EFCAB11: variants seen among roughly 807,000 people sequenced by gnomAD.
The protein encoded by EFCAB11 is EF-hand calcium-binding domain-containing protein 11.
In EFCAB11, 14 loss-of-function variants were observed where a neutral mutation model predicts 23.0. That is an observed-to-expected ratio of 0.61 (90% CI 0.40 to 0.95). EFCAB11 has a LOEUF of 0.95. EFCAB11 is among the 40% of genes least tolerant of loss of function. The pLI is 0.00. For synonymous variants in EFCAB11, 65 were observed against 66.6 expected (o/e 0.98, Z 0.11); for missense variants, 198 against 195.8 (o/e 1.01, Z -0.07).
intron 5 of EFCAB11, among the ~76,000 whole-genome samples, chr14:89,834,399 A>AC (rs1446643968): frequency 4.0e-5 from 6 of 150,456 alleles, no homozygotes; most frequent in South Asian, 2.1e-4. Context: ...AAAAAAAAAA[A>AC]AAAACCTTTT....
intron 5 of EFCAB11, among the ~76,000 whole-genome samples, chr14:89,889,317 G>C (rs566481493): frequency 1.3e-5 from 2 of 152,256 alleles, no homozygotes; most frequent in East Asian, 3.9e-4. Flanking sequence ...TGGATTCGAA[G>C]CCTTACTATG....
At chr14:89,885,749 GGAAAGAAAGGAAA>G (rs1164279584) in intron 5 of EFCAB11, among the ~76,000 whole-genome samples, 50 of 66,844 alleles carry the variant, frequency 7.5e-4, no homozygotes, top group South Asian at 1.2e-3. Context: ...GAGAAAGAAA[GGAAAGAAAGGAAA>G]GAAAGAAAGA....
At chr14:89,898,770 C>G (rs1889253666) in intron 5 of EFCAB11, among the ~76,000 whole-genome samples, 1 of 149,922 alleles carries the variant, frequency 6.7e-6, no homozygotes, top group South Asian at 2.1e-4. Flanking sequence ...TTTCTGGGCT[C>G]AAAGGATCCT....
chr14:89,838,589 T>C (rs1384674467), intron 5 of EFCAB11, among the ~76,000 whole-genome samples: 1 of 151,840 alleles, frequency 6.6e-6, no homozygotes, highest in African/African-American at 2.4e-5. Context: ...AGAAAAACAA[T>C]AACAGCATTT....
chr14:89,808,297 T>C (rs34706478), intron 5 of EFCAB11, among the ~76,000 whole-genome samples: 7,133 of 152,280 alleles, frequency 0.047, 236 homozygotes, highest in East Asian at 0.15. Context: ...GGCTGTGACA[T>C]GGCCAGATCC....
intron 5 of EFCAB11, among the ~76,000 whole-genome samples, chr14:89,849,558 C>A (rs1245136708): frequency 4.7e-5 from 7 of 148,544 alleles, no homozygotes; most frequent in African/African-American, 7.4e-5. Context: ...CTTTGCTTGT[C>A]TGTAGCTTCC....
At chr14:89,892,885 G>C (rs1889022313) in intron 5 of EFCAB11, among the ~76,000 whole-genome samples, 1 of 152,050 alleles carries the variant, frequency 6.6e-6, no homozygotes, top group South Asian at 2.1e-4. Context: ...CTGGGCAACA[G>C]AGTGAGACTC....
intron 5 of EFCAB11, among the ~76,000 whole-genome samples, chr14:89,841,822 G>T (rs978926341): frequency 6.6e-6 from 1 of 152,042 alleles, no homozygotes; most frequent in Non-Finnish European, 1.5e-5. Flanking sequence ...ACCCTCTGAG[G>T]GTTCTCACTC....
intron 5 of EFCAB11, among the ~76,000 whole-genome samples, chr14:89,813,224 ATT>A (rs532927522): frequency 7.7e-4 from 117 of 152,354 alleles, no homozygotes; most frequent in African/African-American, 2.7e-3. Flanking sequence ...GGGGAGCAGA[ATT>A]TGTTTATTAG....
intron 5 of EFCAB11, among the ~76,000 whole-genome samples, chr14:89,925,468 A>C (rs551088092): frequency 1.3e-4 from 20 of 152,194 alleles, no homozygotes; most frequent in Non-Finnish European, 2.4e-4. Context: ...CCTATTATCT[A>C]ACATTAATTC....
chr14:89,892,040 T>C, intron 5 of EFCAB11: 3 of 1,538,816 alleles, frequency 1.9e-6, no homozygotes, highest in Non-Finnish European at 2.6e-6. Context: ...CGGGTCCTTT[T>C]ACCGGAATGT....
At chr14:89,949,184 T>C (rs1035312938) in intron 3 of EFCAB11, among the ~76,000 whole-genome samples, 35 of 152,254 alleles carry the variant, frequency 2.3e-4, no homozygotes, top group Admixed American at 2.3e-3. Flanking sequence ...AATTATCCCA[T>C]TTCCCATGAT....
intron 5 of EFCAB11, among the ~76,000 whole-genome samples, chr14:89,851,175 C>T (rs1361739947): frequency 6.6e-6 from 1 of 152,196 alleles, no homozygotes; most frequent in Non-Finnish European, 1.5e-5. Context: ...ACCTATAGGA[C>T]ATTCCTATTT....
intron 5 of EFCAB11, among the ~76,000 whole-genome samples, chr14:89,863,049 T>C (rs1181653062): frequency 6.6e-6 from 1 of 151,930 alleles, no homozygotes; most frequent in Non-Finnish European, 1.5e-5. Context: ...CTCCAGGGAG[T>C]TGATGATCTC....
At chr14:89,803,784 G>A (rs1457188387) in intron 5 of EFCAB11, among the ~76,000 whole-genome samples, 1 of 152,196 alleles carries the variant, frequency 6.6e-6, no homozygotes, top group Non-Finnish European at 1.5e-5. Context: ...TCTCCCGCAA[G>A]CAGCCTTCTC....
intron 5 of EFCAB11, among the ~76,000 whole-genome samples, chr14:89,928,738 A>G (rs2139802567): frequency 7.1e-6 from 1 of 140,276 alleles, no homozygotes; most frequent in East Asian, 2.1e-4. Flanking sequence ...GTTGTATATA[A>G]CTGATTATAT....
intron 5 of EFCAB11, among the ~76,000 whole-genome samples, chr14:89,915,751 C>T (rs1471584614): frequency 2.6e-5 from 4 of 152,118 alleles, no homozygotes; most frequent in Non-Finnish European, 4.4e-5. Flanking sequence ...AAAAAGCAAA[C>T]ACTGAGAACT....
At chr14:89,909,404 CTCG>C (rs1265484030) in intron 5 of EFCAB11, among the ~76,000 whole-genome samples, 2 of 152,172 alleles carry the variant, frequency 1.3e-5, no homozygotes, top group Non-Finnish European at 2.9e-5. Flanking sequence ...GTGGCAAAAC[CTCG>C]TCTCTACTAA....
chr14:89,858,032 G>A (rs1053511439), intron 5 of EFCAB11, among the ~76,000 whole-genome samples: 1 of 152,160 alleles, frequency 6.6e-6, no homozygotes, highest in Non-Finnish European at 1.5e-5. Flanking sequence ...AGAATCTAAT[G>A]GTACAGGCTG....
Sources: allele counts gnomAD v4.1 joint callset (sites outside exome capture counted in the v4.1 genomes callset), GRCh38; gene constraint gnomAD v4.1.1; transcripts MANE v1.5; gene names NCBI Gene and HGNC (gene_info 2026-07-23, HGNC 2026-07-21).